The following NAALADL2 variants were observed in gnomAD, a reference collection of about 807,000 sequenced individuals.
NAALADL2 encodes the protein N-acetylated alpha-linked acidic dipeptidase like 2.
A neutral mutation model predicts 87.2 loss-of-function variants in NAALADL2; 76 were observed. That is an observed-to-expected ratio of 0.87 (90% CI 0.72 to 1.05). NAALADL2 has a LOEUF of 1.05. NAALADL2 is among the 50% of genes least tolerant of loss of function. The pLI is 0.00. For missense variants in NAALADL2, 1,089 were observed against 945.8 expected (o/e 1.15, Z -1.99); for synonymous variants, 354 against 331.0 (o/e 1.07, Z -0.75).
chr3:175,599,248 G>A (rs951069254), intron 10 of NAALADL2, among the ~76,000 whole-genome samples: 1 of 151,856 alleles, frequency 6.6e-6, no homozygotes, highest in Non-Finnish European at 1.5e-5. Flanking sequence ...TGTCACATAG[G>A]AATCATTATT....
chr3:175,386,197 T>G (rs974086297), intron 5 of NAALADL2, among the ~76,000 whole-genome samples: 1 of 151,186 alleles, frequency 6.6e-6, no homozygotes, highest in African/African-American at 2.4e-5. Flanking sequence ...AAGGTAGGTT[T>G]ACACATTGAA....
At chr3:175,721,864 A>G (rs1742285833) in intron 11 of NAALADL2, among the ~76,000 whole-genome samples, 1 of 152,130 alleles carries the variant, frequency 6.6e-6, no homozygotes, top group African/African-American at 2.4e-5. Flanking sequence ...TTAGAGCATA[A>G]TGAAATCAGG....
At chr3:175,179,146 C>G (rs1489556568) in intron 2 of NAALADL2, among the ~76,000 whole-genome samples, 1 of 151,940 alleles carries the variant, frequency 6.6e-6, no homozygotes, top group Non-Finnish European at 1.5e-5. Context: ...CTAACTGCTC[C>G]TAACACAAAA....
intron 2 of NAALADL2, among the ~76,000 whole-genome samples, chr3:175,107,367 G>A (rs1391795714): frequency 6.6e-6 from 1 of 151,858 alleles, no homozygotes; most frequent in Admixed American, 6.6e-5. Flanking sequence ...ACTGCCTTTG[G>A]ACTCAAGCTG....
At chr3:175,779,221 A>G (rs1049132959) in intron 13 of NAALADL2, among the ~76,000 whole-genome samples, 1 of 152,234 alleles carries the variant, frequency 6.6e-6, no homozygotes, top group South Asian at 2.1e-4. Context: ...TCAGGAAGAA[A>G]AAGGAAGTTC....
chr3:175,267,235 A>G (rs141449210), intron 4 of NAALADL2, among the ~76,000 whole-genome samples: 1 of 152,190 alleles, frequency 6.6e-6, no homozygotes, highest in Non-Finnish European at 1.5e-5. Context: ...AGAAAATCTT[A>G]TTATGAATCA....
intron 2 of NAALADL2, among the ~76,000 whole-genome samples, chr3:175,232,842 C>T (rs1234769261): frequency 2.6e-5 from 4 of 151,628 alleles, no homozygotes; most frequent in African/African-American, 9.7e-5. Context: ...ACATTTTTGC[C>T]CCAAAAGGAA....
At position 175,125,591 on chromosome 3, in the gene NAALADL2, G is replaced by C. The variant is rs150211566; in HGVS notation, c.545+28300G>C. ...ATGTGAGAGAAAATAATTGATATAAGAATACTTTTACATTTTTTGGCCTAA... is the reference window on the plus strand; with the variant it reads ...ATGTGAGAGAAAATAATTGATATAACAATACTTTTACATTTTTTGGCCTAA... On this transcript the variant is annotated intron_variant, in intron 2 of 13. Transcript: ENST00000454872. Among the ~76,000 whole-genome samples, 3 of 152,076 alleles carry C rather than the reference G, an allele frequency of 2.0e-5. No individual in the cohort carries two copies. In the East Asian group the frequency reaches 5.8e-4, roughly 29 times the overall value.
intron 2 of NAALADL2, among the ~76,000 whole-genome samples, chr3:175,161,113 A>G (rs958070429): frequency 1.3e-5 from 2 of 152,156 alleles, no homozygotes; most frequent in African/African-American, 2.4e-5. Flanking sequence ...ATGATTATCT[A>G]TAATCATTTC....
intron 1 of NAALADL2, among the ~76,000 whole-genome samples, chr3:174,920,478 A>G (rs928529523): frequency 2.0e-5 from 3 of 152,104 alleles, no homozygotes; most frequent in Non-Finnish European, 2.9e-5. Context: ...TTTCTTCTGT[A>G]TCTTCCTCAC....
At chr3:175,038,635 T>A (rs1007665893) in intron 1 of NAALADL2, among the ~76,000 whole-genome samples, 2 of 152,182 alleles carry the variant, frequency 1.3e-5, no homozygotes, top group Non-Finnish European at 2.9e-5. Context: ...TTAATGAACT[T>A]TACATCAACA....
At chr3:175,303,039 A>G (rs1017092798) in intron 4 of NAALADL2, among the ~76,000 whole-genome samples, 1 of 152,158 alleles carries the variant, frequency 6.6e-6, no homozygotes, top group African/African-American at 2.4e-5. Context: ...TAATTTGTAG[A>G]TATGGTTTTA....
chr3:175,287,991 T>TAA lies in NAALADL2; in HGVS notation c.939+31461_939+31462insAA, dbSNP rs200998718. Among the ~76,000 whole-genome samples the TAA allele has an allele frequency of 3.6e-3, 542 of 152,326 alleles. 1 individual carries two copies. The highest frequency in any genetic ancestry group is 9.9e-3 in the South Asian group (48 of 4,830). ...TGTTTATTTCACTACTAACATTGCATGTTTATATGATCATATAACATCTTA... is the reference window on the plus strand; with the variant it reads ...TGTTTATTTCACTACTAACATTGCATAAGTTTATATGATCATATAACATCTTA... On this transcript the variant is annotated intron_variant, in intron 4 of 13. Coordinates refer to ENST00000454872, the MANE Select transcript of NAALADL2 (RefSeq NM_207015.3).
chr3:175,457,397 C>T (rs115952736), intron 6 of NAALADL2, among the ~76,000 whole-genome samples: 139 of 152,200 alleles, frequency 9.1e-4, no homozygotes, highest in African/African-American at 3.2e-3. Context: ...CTTTTATACT[C>T]AGTAAGCATT....
chr3:174,655,930 G>A (rs569100319), intron 2 of NAALADL2, among the ~76,000 whole-genome samples: 1 of 152,304 alleles, frequency 6.6e-6, no homozygotes, highest in Non-Finnish European at 1.5e-5. Flanking sequence ...GGGTGATGTT[G>A]TTGTTCTTAC....
chr3:174,826,638 T>C (rs1382849886), intron 3 of NAALADL2, among the ~76,000 whole-genome samples: 2 of 152,228 alleles, frequency 1.3e-5, no homozygotes, highest in Non-Finnish European at 2.9e-5. Flanking sequence ...ACTTAACTTT[T>C]TTCAATATCA....
At chr3:175,074,705 A>C (rs1559991859) in intron 1 of NAALADL2, among the ~76,000 whole-genome samples, 2 of 152,140 alleles carry the variant, frequency 1.3e-5, no homozygotes, top group Admixed American at 6.6e-5. Flanking sequence ...AACTATGCAT[A>C]AAATGATATG....
At chr3:175,389,746 G>A (rs576981596) in intron 5 of NAALADL2, among the ~76,000 whole-genome samples, 18 of 152,306 alleles carry the variant, frequency 1.2e-4, no homozygotes, top group African/African-American at 4.3e-4. Flanking sequence ...GGCTAGAAGA[G>A]GGGCAATCCT....
chr3:174,807,131 T>C (rs1719598553), intron 3 of NAALADL2, among the ~76,000 whole-genome samples: 1 of 152,178 alleles, frequency 6.6e-6, no homozygotes, highest in Admixed American at 6.6e-5. Flanking sequence ...GAAATTTTAT[T>C]AGCTCACATC....
Sources: gnomAD v4.1 joint callset for allele counts (sites outside exome capture counted in the v4.1 genomes callset) on GRCh38, gnomAD v4.1.1 for gene constraint, MANE v1.5 for transcripts, NCBI Gene and HGNC (gene_info 2026-07-23, HGNC 2026-07-21) for gene names.